The following VPS13B variants were observed in gnomAD, a reference collection of about 807,000 sequenced individuals.
VPS13B encodes the protein vacuolar protein sorting 13 homolog B.
Under a neutral mutation model 426.4 loss-of-function variants are expected in VPS13B, and 285 were observed. The ratio of observed to expected loss-of-function variants is 0.67; its 90% CI spans 0.61 to 0.74. The LOEUF (loss-of-function observed/expected upper bound fraction) is 0.74. Among genes scored for constraint, VPS13B ranks in the 30% least tolerant of loss-of-function variants. The pLI, the probability that VPS13B is intolerant of heterozygous loss-of-function variation, is 0.00. For synonymous variants in VPS13B, 1,676 were observed against 1,676.4 expected, an observed-to-expected ratio of 1.00 and a Z score of 0.01; for missense variants, 4,537 against 4,782.6, an observed-to-expected ratio of 0.95 and a Z score of 1.51.
At chr8:99,445,440 A>G (rs1207608896) in intron 23 of VPS13B, among the ~76,000 whole-genome samples, 2 of 149,674 alleles carry the variant, frequency 1.3e-5, no homozygotes, top group Non-Finnish European at 3.0e-5. Flanking sequence ...ACTCCAGCCT[A>G]GGCAACAGAG....
chr8:99,692,835 A>C (rs977068533), intron 35 of VPS13B, among the ~76,000 whole-genome samples: 2 of 147,096 alleles, frequency 1.4e-5, no homozygotes, highest in African/African-American at 2.5e-5. Flanking sequence ...AGAATCAAAT[A>C]GACACAATAA....
At chr8:99,650,178 T>C (rs554565313) in intron 34 of VPS13B, among the ~76,000 whole-genome samples, 3 of 152,272 alleles carry the variant, frequency 2.0e-5, no homozygotes, top group Admixed American at 6.5e-5. Flanking sequence ...AGTGATACTT[T>C]TATATCTTTA....
intron 17 of VPS13B, among the ~76,000 whole-genome samples, chr8:99,201,845 C>G (rs1814346814): frequency 6.6e-6 from 1 of 152,114 alleles, no homozygotes. Flanking sequence ...GGAAAGATCA[C>G]TGAATTGGAG....
At chr8:99,322,856 T>G (rs146517556) in intron 19 of VPS13B, among the ~76,000 whole-genome samples, 21 of 152,346 alleles carry the variant, frequency 1.4e-4, no homozygotes, top group African/African-American at 4.8e-4. Flanking sequence ...TAAACACGAT[T>G]GTCTTACTTC....
intron 19 of VPS13B, among the ~76,000 whole-genome samples, chr8:99,291,049 G>A (rs1368814067): frequency 2.0e-5 from 3 of 152,060 alleles, no homozygotes; most frequent in Non-Finnish European, 2.9e-5. Context: ...TAGTGTGGAT[G>A]AGGATAAATG....
intron 3 of VPS13B, among the ~76,000 whole-genome samples, chr8:99,087,942 G>A (rs542863047): frequency 2.0e-5 from 3 of 152,084 alleles, no homozygotes; most frequent in Admixed American, 6.5e-5. Context: ...CCAGCACTTT[G>A]GGAGGCCGAA....
chr8:99,543,096 A>T (rs961635742), intron 30 of VPS13B, among the ~76,000 whole-genome samples: 1 of 152,216 alleles, frequency 6.6e-6, no homozygotes, highest in African/African-American at 2.4e-5. Context: ...GCAGCATGGT[A>T]CTGGTACCAA....
chr8:99,241,736 T>C (rs1656678575), intron 17 of VPS13B, among the ~76,000 whole-genome samples: 1 of 152,190 alleles, frequency 6.6e-6, no homozygotes, highest in Non-Finnish European at 1.5e-5. Flanking sequence ...ATATGTCTTC[T>C]CTAACTAAAT....
chr8:99,488,125 G>C (rs568852577), intron 25 of VPS13B, among the ~76,000 whole-genome samples: 1 of 152,220 alleles, frequency 6.6e-6, no homozygotes, highest in South Asian at 2.1e-4. Flanking sequence ...TATTTTTAAA[G>C]ATACTTTATT....
intron 35 of VPS13B, among the ~76,000 whole-genome samples, chr8:99,688,235 G>T (rs780251175): frequency 2.7e-5 from 4 of 149,894 alleles, no homozygotes; most frequent in South Asian, 2.1e-4. Flanking sequence ...ACTCAGAATT[G>T]CATTTAAAAC....
chr8:99,752,313 T>C (rs532061205), intron 39 of VPS13B, among the ~76,000 whole-genome samples: 133 of 152,306 alleles, frequency 8.7e-4, no homozygotes, highest in African/African-American at 3.1e-3. Flanking sequence ...ACATATACCC[T>C]AAAGGGCCTC....
At chr8:99,866,250 C>A (rs1817092806) in intron 58 of VPS13B, among the ~76,000 whole-genome samples, 1 of 152,250 alleles carries the variant, frequency 6.6e-6, no homozygotes, top group Non-Finnish European at 1.5e-5. Context: ...GGATATACTT[C>A]AGAGGAGAGC....
At chr8:99,635,508 G>A (rs1829032973) in intron 33 of VPS13B, among the ~76,000 whole-genome samples, 1 of 151,922 alleles carries the variant, frequency 6.6e-6, no homozygotes, top group South Asian at 2.1e-4. Context: ...TATATAGTAA[G>A]TTTTCTTACA....
chr8:99,161,163 A>G (rs1811628443), intron 15 of VPS13B, among the ~76,000 whole-genome samples: 1 of 152,228 alleles, frequency 6.6e-6, no homozygotes, highest in African/African-American at 2.4e-5. Context: ...TCAATGCTTT[A>G]TACTTAAGCT....
chr8:99,603,297 C>T (rs1276951756), intron 33 of VPS13B, among the ~76,000 whole-genome samples: 1 of 152,104 alleles, frequency 6.6e-6, no homozygotes, highest in African/African-American at 2.4e-5. Context: ...ATTCCAAGAC[C>T]CCCAGTGGAT....
chr8:99,179,753 C>T lies in VPS13B; in HGVS notation c.2333+9590C>T, dbSNP rs148076112. ...CTCTTTTTCTGTGGGGCACGTTTAT[C>T]GTGAAAACCTCGCATCTGTTGTAGA... On this transcript the variant is annotated intron_variant, in intron 16 of 61. Coordinates refer to ENST00000357162, the MANE Select transcript of VPS13B (RefSeq NM_152564.5). Among the ~76,000 whole-genome samples, 89 of 152,188 alleles carry T rather than the reference C, an allele frequency of 5.8e-4. 1 individual carries two copies. In the East Asian group the frequency reaches 0.014, roughly 25 times the overall value.
chr8:99,717,082 T>A, intron 36 of VPS13B, 89 bp from the exon 37 acceptor site: 1 of 1,294,462 alleles, frequency 7.7e-7, no homozygotes, highest in Non-Finnish European at 1.1e-6. Flanking sequence ...AAAGGATGAA[T>A]TAATACTCTT....
intron 33 of VPS13B, among the ~76,000 whole-genome samples, chr8:99,589,354 G>A (rs199974199): frequency 5.3e-5 from 8 of 150,994 alleles, no homozygotes; most frequent in South Asian, 4.2e-4. Context: ...ATCCCTCCCC[G>A]CTCCCCCAAC....
At chr8:99,635,502 T>C (rs1161566859) in intron 33 of VPS13B, among the ~76,000 whole-genome samples, 1 of 152,026 alleles carries the variant, frequency 6.6e-6, no homozygotes, top group African/African-American at 2.4e-5. Context: ...GTTTGGTATA[T>C]AGTAAGTTTT....
Sources: gnomAD v4.1 joint callset for allele counts (sites outside exome capture counted in the v4.1 genomes callset) on GRCh38, gnomAD v4.1.1 for gene constraint, MANE v1.5 for transcripts, NCBI Gene and HGNC (gene_info 2026-07-23, HGNC 2026-07-21) for gene names.